The following OSBPL1A variants were observed in gnomAD, a reference collection of about 807,000 sequenced individuals.
OSBPL1A encodes the protein oxysterol binding protein like 1A.
A neutral mutation model predicts 137.1 loss-of-function variants in OSBPL1A; 80 were observed. The observed-to-expected ratio is 0.58, with a 90% CI of 0.49 to 0.70. OSBPL1A has a LOEUF of 0.70. Among genes scored for constraint, OSBPL1A ranks in the 30% least tolerant of loss-of-function variants. The probability of loss-of-function intolerance (pLI) is 0.00; values close to 1 mark genes in which losing one functional copy is unlikely to be tolerated. For missense variants in OSBPL1A, 970 were observed against 1,129.4 expected, an observed-to-expected ratio of 0.86 and a Z score of 2.02; for synonymous variants, 365 against 389.7, an observed-to-expected ratio of 0.94 and a Z score of 0.75.
intron 17 of OSBPL1A, among the ~76,000 whole-genome samples, chr18:24,198,894 GTT>G (rs1446016246): frequency 6.8e-6 from 1 of 148,062 alleles, no homozygotes; most frequent in African/African-American, 2.5e-5. Flanking sequence ...GTCACACTCT[GTT>G]ACCCAGGCTG....
chr18:24,353,566 G>A (rs1377389408), intron 4 of OSBPL1A, among the ~76,000 whole-genome samples: 2 of 151,504 alleles, frequency 1.3e-5, no homozygotes, highest in Non-Finnish European at 2.9e-5. Flanking sequence ...TCCCATTACT[G>A]GGTATATACC....
intron 16 of OSBPL1A, among the ~76,000 whole-genome samples, chr18:24,236,278 T>A (rs1426611348): frequency 6.6e-6 from 1 of 152,068 alleles, no homozygotes; most frequent in Non-Finnish European, 1.5e-5. Context: ...AAAAGTCTCC[T>A]TGAGAAGTCA....
At chr18:24,240,587 G>A (rs537974509) in intron 15 of OSBPL1A, among the ~76,000 whole-genome samples, 1 of 152,266 alleles carries the variant, frequency 6.6e-6, no homozygotes, top group East Asian at 1.9e-4. Context: ...GGGATCCACT[G>A]GTAGGTAGCA....
At chr18:24,345,752 T>C (rs1599694528) in intron 4 of OSBPL1A, among the ~76,000 whole-genome samples, 1 of 152,216 alleles carries the variant, frequency 6.6e-6, no homozygotes. Flanking sequence ...CCAAGCATCC[T>C]CCTCAGAGAA....
At chr18:24,187,193 G>C (rs976516338) in intron 18 of OSBPL1A, among the ~76,000 whole-genome samples, 1 of 152,104 alleles carries the variant, frequency 6.6e-6, no homozygotes, top group Non-Finnish European at 1.5e-5. Flanking sequence ...AATAAGAAAG[G>C]GCTCTGAACA....
intron 4 of OSBPL1A, among the ~76,000 whole-genome samples, chr18:24,342,831 A>G (rs1235045265): frequency 1.3e-5 from 2 of 152,142 alleles, no homozygotes; most frequent in Non-Finnish European, 2.9e-5. Flanking sequence ...CCAGTACAGT[A>G]CATGGTGTTT....
At chr18:24,185,681 G>A (rs918365431) in intron 18 of OSBPL1A, among the ~76,000 whole-genome samples, 3 of 152,198 alleles carry the variant, frequency 2.0e-5, no homozygotes, top group Admixed American at 6.5e-5. Flanking sequence ...GGGAGGCTAT[G>A]CACGTGTGGG....
At chr18:24,352,705 T>C (rs954585125) in intron 4 of OSBPL1A, among the ~76,000 whole-genome samples, 13 of 152,332 alleles carry the variant, frequency 8.5e-5, no homozygotes, top group East Asian at 3.9e-4. Context: ...ATGGTACTGG[T>C]ACCAAAACAG....
chr18:24,257,590 C>T (rs998382611), intron 15 of OSBPL1A, among the ~76,000 whole-genome samples: 4 of 151,982 alleles, frequency 2.6e-5, no homozygotes, highest in Non-Finnish European at 5.9e-5. Flanking sequence ...TTAGTAATAC[C>T]CCACAAGCAC....
intron 4 of OSBPL1A, among the ~76,000 whole-genome samples, chr18:24,348,715 A>G (rs1039787522): frequency 3.3e-5 from 5 of 152,184 alleles, no homozygotes; most frequent in Non-Finnish European, 5.9e-5. Flanking sequence ...TAGAGGTTGC[A>G]GTGAGCCAAG....
intron 6 of OSBPL1A, 92 bp from the exon 7 acceptor site, chr18:24,333,178 G>A: frequency 7.2e-7 from 1 of 1,387,404 alleles, no homozygotes; most frequent in Non-Finnish European, 9.9e-7. Context: ...AGAGCCCGAA[G>A]AATAGCCAAG....
intron 5 of OSBPL1A, among the ~76,000 whole-genome samples, chr18:24,341,007 C>G (rs2091265427): frequency 2.6e-5 from 4 of 152,128 alleles, no homozygotes; most frequent in African/African-American, 7.2e-5. Context: ...AAAATACAAA[C>G]TTTTCGGCTG....
At chr18:24,181,895 A>C (rs190669455) in intron 18 of OSBPL1A, among the ~76,000 whole-genome samples, 1 of 152,298 alleles carries the variant, frequency 6.6e-6, no homozygotes, top group East Asian at 1.9e-4. Flanking sequence ...CTGCCTTCTC[A>C]GTGGAGTGTG....
chr18:24,191,155 G>A (rs572496347), intron 18 of OSBPL1A, among the ~76,000 whole-genome samples: 168 of 152,298 alleles, frequency 1.1e-3, no homozygotes, highest in African/African-American at 3.9e-3. Context: ...CAGAGGCCAA[G>A]AAGCCAATGA....
chr18:24,257,298 G>A (rs1377844631), intron 15 of OSBPL1A, among the ~76,000 whole-genome samples: 5 of 151,962 alleles, frequency 3.3e-5, no homozygotes, highest in Admixed American at 6.6e-5. Flanking sequence ...CCAATGGAAC[G>A]GAATACAGAA....
intron 17 of OSBPL1A, among the ~76,000 whole-genome samples, chr18:24,201,761 A>G (rs1230768903): frequency 7.0e-6 from 1 of 143,286 alleles, no homozygotes; most frequent in Non-Finnish European, 1.5e-5. Flanking sequence ...AGAGTCCATT[A>G]AAAAAAAAAA....
chr18:24,227,397 A>G lies in OSBPL1A; in HGVS notation c.1445-2199T>C, dbSNP rs553626019. Among the ~76,000 whole-genome samples the G allele has an allele frequency of 2.8e-4, 43 of 152,344 alleles. No individual in the cohort carries two copies. In the East Asian group the frequency reaches 3.9e-3, roughly 14 times the overall value. ...AATGAAATAAAAGATTGTTTTTAAC[A>G]TACATAATGCTAAGACAAAAAAAAC... On this transcript the variant is annotated intron_variant, in intron 16 of 27. Transcript: ENST00000319481.
At chr18:24,201,167 G>A (rs1239333440) in intron 17 of OSBPL1A, among the ~76,000 whole-genome samples, 2 of 152,136 alleles carry the variant, frequency 1.3e-5, no homozygotes, top group East Asian at 1.9e-4. Context: ...GCAGTGATAT[G>A]TCCTGGTTCT....
rs768575492 is a variant in OSBPL1A, at chr18:24,341,609, T to A, written c.332A>T (p.Asn111Ile). 6.2e-7 allele frequency: 1 copy of A among 1,613,174 alleles called. No individual in the cohort carries two copies. The highest frequency in any genetic ancestry group is 8.5e-7 in the Non-Finnish European group (1 of 1,179,550). ...TTCTTTTGCTGTCTGTCCACTCCCATTAACAATAGTAGTATCAGCATTATA... is the reference window on the plus strand; with the variant it reads ...TTCTTTTGCTGTCTGTCCACTCCCAATAACAATAGTAGTATCAGCATTATA... ...LEYNADTTIVNGSGQTAKEVT... is the reference protein window; with the variant it reads ...LEYNADTTIVIGSGQTAKEVT... The change falls in exon 5 of 28, where the codon AAT becomes ATT. Residue 111 changes from asparagine to isoleucine, a missense_variant. Physicochemically the swap from Asn to Ile is moderately radical, Grantham distance 149. Transcript: ENST00000319481.
Sources: gnomAD v4.1 joint callset for allele counts (sites outside exome capture counted in the v4.1 genomes callset) on GRCh38, gnomAD v4.1.1 for gene constraint, MANE v1.5 for transcripts, NCBI Gene and HGNC (gene_info 2026-07-23, HGNC 2026-07-21) for gene names.